Variants in CMSS1 observed in about 807,000 individuals in gnomAD.
The protein encoded by CMSS1 is protein CMSS1.
CMSS1 carries 33 observed loss-of-function variants against 43.5 expected under a neutral mutation model. The observed-to-expected ratio is 0.76, with a 90% CI of 0.57 to 1.01. The LOEUF is 1.01. Among genes scored for constraint, CMSS1 ranks in the 50% least tolerant of loss-of-function variants. The probability of loss-of-function intolerance (pLI) is 0.00; values close to 1 mark genes in which losing one functional copy is unlikely to be tolerated. For synonymous variants in CMSS1, 115 were observed against 117.2 expected, an observed-to-expected ratio of 0.98 and a Z score of 0.12; for missense variants, 313 against 326.4, an observed-to-expected ratio of 0.96 and a Z score of 0.32.
intron 1 of CMSS1, among the ~76,000 whole-genome samples, chr3:99,979,600 GT>G (rs1424420835): frequency 1.3e-5 from 2 of 152,076 alleles, no homozygotes; most frequent in African/African-American, 2.4e-5. Flanking sequence ...CTAGAAAATG[GT>G]TTTTTAAAGA....
intron 1 of CMSS1, among the ~76,000 whole-genome samples, chr3:100,085,237 A>G (rs2065989598): frequency 2.0e-5 from 3 of 152,346 alleles, no homozygotes; most frequent in Non-Finnish European, 2.9e-5. Context: ...AGAAGAGAAC[A>G]TTAATATTTT....
chr3:100,084,415 C>G (rs1175852061), intron 1 of CMSS1, among the ~76,000 whole-genome samples: 1 of 152,130 alleles, frequency 6.6e-6, no homozygotes, highest in East Asian at 1.9e-4. Context: ...AGGCTGCTTG[C>G]AAATTCACAT....
rs931386270 is a variant in CMSS1, at chr3:100,181,350, T to C, written c.*2962T>C. The C allele has an allele frequency of 5.3e-5, 8 of 152,232 alleles. No homozygotes were observed. The highest frequency in any genetic ancestry group is 1.9e-4 in the African/African-American group (8 of 41,470). The allele number at this position is 152,232 out of a possible 1,614,324, so 9.4% of individuals were successfully genotyped here. On this transcript the variant is annotated 3_prime_UTR_variant, in exon 10 of 10. Transcript: ENST00000421999. Reference sequence around the variant, plus strand: ...AGGCTTAATAGAAAAGTTTAAAAAATAGAGAATTCCCATATCCCCTTCCCT... The same window carrying C: ...AGGCTTAATAGAAAAGTTTAAAAAACAGAGAATTCCCATATCCCCTTCCCT...
intron 1 of CMSS1, among the ~76,000 whole-genome samples, chr3:99,952,109 C>A (rs1430944565): frequency 6.6e-6 from 1 of 151,946 alleles, no homozygotes; most frequent in Non-Finnish European, 1.5e-5. Flanking sequence ...ATAGATTTGG[C>A]ACAGGCATCA....
chr3:100,154,217 A>G (rs2066949779), intron 2 of CMSS1, among the ~76,000 whole-genome samples: 1 of 152,104 alleles, frequency 6.6e-6, no homozygotes, highest in Admixed American at 6.5e-5. Context: ...TTTCTTGGGG[A>G]ATGGTTTTTA....
chr3:99,849,111 A>G (rs1283499298), intron 1 of CMSS1: 1 of 1,614,148 alleles, frequency 6.2e-7, no homozygotes, highest in South Asian at 1.1e-5. Context: ...TGTTAACAGG[A>G]CATGGAGTAG....
intron 6 of CMSS1, among the ~76,000 whole-genome samples, chr3:100,169,892 T>G (rs560990724): frequency 4.5e-4 from 68 of 152,242 alleles, no homozygotes; most frequent in Non-Finnish European, 7.3e-4. Flanking sequence ...TTTGAACTTT[T>G]GTTATACATA....
At chr3:100,175,500 C>A (rs72936597) in intron 8 of CMSS1, among the ~76,000 whole-genome samples, 7,559 of 152,192 alleles carry the variant, frequency 0.05, 618 homozygotes, top group African/African-American at 0.17. Context: ...TTTTCCAGTT[C>A]ACTATTTTTA....
intron 1 of CMSS1, among the ~76,000 whole-genome samples, chr3:100,069,109 T>C (rs1425000528): frequency 6.6e-6 from 1 of 152,234 alleles, no homozygotes; most frequent in Admixed American, 6.5e-5. Flanking sequence ...AAACTAGTTT[T>C]GTTCCATTTA....
At chr3:100,171,605 A>T (rs2067110606) in intron 6 of CMSS1, among the ~76,000 whole-genome samples, 1 of 152,232 alleles carries the variant, frequency 6.6e-6, no homozygotes, top group Non-Finnish European at 1.5e-5. Flanking sequence ...AGTAAGGTTG[A>T]CCTTGTGTAT....
At chr3:100,031,762 C>T (rs752868055) in intron 1 of CMSS1, among the ~76,000 whole-genome samples, 2 of 152,148 alleles carry the variant, frequency 1.3e-5, no homozygotes, top group South Asian at 2.1e-4. Context: ...GCCTCACTTT[C>T]TCCAAAGGGA....
At chr3:99,887,972 A>G (rs1705963499) in intron 1 of CMSS1, among the ~76,000 whole-genome samples, 1 of 152,000 alleles carries the variant, frequency 6.6e-6, no homozygotes, top group South Asian at 2.1e-4. Context: ...ACTCCTGGGA[A>G]GGTTCAAGCA....
At chr3:99,850,305 C>G (rs1943610560) in intron 1 of CMSS1, 1 of 1,613,682 alleles carries the variant, frequency 6.2e-7, no homozygotes, top group South Asian at 1.1e-5. Flanking sequence ...CTTGAGACAA[C>G]TGCTTTGTGG....
chr3:99,993,990 A>T (rs183428843), intron 1 of CMSS1, among the ~76,000 whole-genome samples: 17 of 152,266 alleles, frequency 1.1e-4, no homozygotes, highest in Non-Finnish European at 1.9e-4. Context: ...TCATAGAATA[A>T]GTTAGGGAGA....
At chr3:100,044,623 G>A (rs1021789867) in intron 1 of CMSS1, among the ~76,000 whole-genome samples, 1 of 152,164 alleles carries the variant, frequency 6.6e-6, no homozygotes, top group African/African-American at 2.4e-5. Flanking sequence ...AGATTATACA[G>A]GGCCTTATAG....
intron 1 of CMSS1, among the ~76,000 whole-genome samples, chr3:99,829,968 C>T (rs1337537052): frequency 6.6e-6 from 1 of 152,166 alleles, no homozygotes; most frequent in Non-Finnish European, 1.5e-5. Context: ...GTCCTGTCAT[C>T]TTGATGGAAA....
intron 1 of CMSS1, chr3:100,110,052 A>T (rs914198052): frequency 6.6e-6 from 1 of 152,116 alleles, no homozygotes; most frequent in South Asian, 2.1e-4. Flanking sequence ...CAGCCCGAAG[A>T]TAAATCAAGT....
Position 99,857,692 on chromosome 3 carries a change from A to G in CMSS1, c.64+39649A>G, listed in dbSNP as rs921604199. The stretch of plus-strand genomic sequence containing the variant: ...AAACTTAGGGTGATCATCAAGCAAT[A>G]AAACGAATTCCACAAGCCATTAATG... On this transcript the variant is annotated intron_variant, in intron 1 of 9. Transcript: ENST00000421999. 7.9e-5 allele frequency among the ~76,000 whole-genome samples: 12 copies of G among 152,346 alleles called. No homozygotes were observed. In the South Asian group the frequency reaches 1.0e-3, roughly 13 times the overall value.
chr3:99,951,275 T>C (rs1708168480), intron 1 of CMSS1, among the ~76,000 whole-genome samples: 1 of 152,148 alleles, frequency 6.6e-6, no homozygotes, highest in South Asian at 2.1e-4. Context: ...AAGACCTCCT[T>C]CTTCTACCAG....
Sources: allele counts gnomAD v4.1 joint callset (sites outside exome capture counted in the v4.1 genomes callset), GRCh38; gene constraint gnomAD v4.1.1; transcripts MANE v1.5; gene names NCBI Gene and HGNC (gene_info 2026-07-23, HGNC 2026-07-21).